DUSP22: variants seen among roughly 807,000 people sequenced by gnomAD.
The protein encoded by DUSP22 is dual specificity phosphatase 22.
A neutral mutation model predicts 24.5 loss-of-function variants in DUSP22; 24 were observed. That is an observed-to-expected ratio of 0.98 (90% CI 0.71 to 1.38). The LOEUF (loss-of-function observed/expected upper bound fraction) is 1.38, where lower values mean the gene tolerates loss of function less well. DUSP22 is among the 40% of genes most tolerant of loss of function. The pLI is 0.00. For synonymous variants in DUSP22, 160 were observed against 106.4 expected (o/e 1.50, Z -3.10); for missense variants, 330 against 269.2 (o/e 1.23, Z -1.58).
intron 6 of DUSP22, 89 bp downstream of exon 6, chr6:348,363 G>C: frequency 6.4e-7 from 1 of 1,573,142 alleles, no homozygotes; most frequent in Non-Finnish European, 8.6e-7. Context: ...GCATCATGGC[G>C]TTTGGAGTTG....
chr6:292,629 C>G (rs1757140502), intron 1 of DUSP22, 69 bp downstream of exon 1: 2 of 1,551,456 alleles, frequency 1.3e-6, no homozygotes, highest in South Asian at 1.2e-5. Flanking sequence ...CCGGCGTCGG[C>G]TGCCCGACGA....
chr6:315,642 G>C (rs995941473), intron 3 of DUSP22, among the ~76,000 whole-genome samples: 1 of 152,310 alleles, frequency 6.6e-6, no homozygotes, highest in Non-Finnish European at 1.5e-5. Context: ...CACCAGCACA[G>C]AGCTTTGCTC....
intron 5 of DUSP22, among the ~76,000 whole-genome samples, chr6:346,429 G>GACACACACACAC (rs10642379): frequency 3.3e-3 from 492 of 151,232 alleles, no homozygotes; most frequent in East Asian, 0.012. Context: ...ATTTTGTGTA[G>GACACACACACAC]ACACACACAC....
At chr6:335,939 G>C (rs988597657) in intron 4 of DUSP22, among the ~76,000 whole-genome samples, 9 of 152,304 alleles carry the variant, frequency 5.9e-5, no homozygotes, top group Admixed American at 3.3e-4. Context: ...TGCACCTATA[G>C]AGAGATTCAT....
chr6:317,477 C>T (rs1477849037), intron 3 of DUSP22, among the ~76,000 whole-genome samples: 1 of 152,304 alleles, frequency 6.6e-6, no homozygotes, highest in Non-Finnish European at 1.5e-5. Context: ...CATGAATTCT[C>T]CCCTCCCTCC....
intron 4 of DUSP22, among the ~76,000 whole-genome samples, chr6:335,715 G>T (rs896304141): frequency 2.6e-5 from 4 of 152,306 alleles, no homozygotes; most frequent in Non-Finnish European, 5.9e-5. Context: ...TACGAAGTCT[G>T]GGGGCTCTGG....
At chr6:309,817 C>G (rs1757990816) in intron 2 of DUSP22, among the ~76,000 whole-genome samples, 1 of 152,302 alleles carries the variant, frequency 6.6e-6, no homozygotes, top group African/African-American at 2.4e-5. Flanking sequence ...TTTGTCTCTG[C>G]ATTTTTATAC....
At chr6:328,830 G>A (rs1188505928) in intron 3 of DUSP22, among the ~76,000 whole-genome samples, 3 of 152,310 alleles carry the variant, frequency 2.0e-5, no homozygotes, top group African/African-American at 7.2e-5. Flanking sequence ...AAAAAGAGAG[G>A]AGAGGTCTTG....
intron 2 of DUSP22, among the ~76,000 whole-genome samples, chr6:311,332 C>T (rs1400371484): frequency 6.6e-6 from 1 of 152,300 alleles, no homozygotes; most frequent in Non-Finnish European, 1.5e-5. Context: ...TCTTCTTCCT[C>T]ATAGAAAGTT....
chr6:298,513 C>T (rs1316500322), intron 1 of DUSP22, among the ~76,000 whole-genome samples: 1 of 152,302 alleles, frequency 6.6e-6, no homozygotes, highest in Non-Finnish European at 1.5e-5. Flanking sequence ...AAAAAGTAAA[C>T]TCAAAATATT....
chr6:327,695 G>A (rs1472383673), intron 3 of DUSP22, among the ~76,000 whole-genome samples: 6 of 152,418 alleles, frequency 3.9e-5, no homozygotes, highest in South Asian at 2.1e-4. Flanking sequence ...GGGGGAGGCC[G>A]AGGAGGTGAG....
chr6:293,875 ATAT>A (rs1757206999), intron 1 of DUSP22, among the ~76,000 whole-genome samples: 1 of 129,746 alleles, frequency 7.7e-6, no homozygotes, highest in East Asian at 2.3e-4. Flanking sequence ...TACTTGTATT[ATAT>A]TCCGATGAGC....
In DUSP22 at chr6:351,141, G is replaced by A. The variant is rs1298444556; in HGVS notation, c.*2190G>A. 3.8e-6 allele frequency: 2 copies of A among 532,486 alleles called. No homozygotes were observed. Among genetic ancestry groups the A allele is most frequent in the Non-Finnish European group, 6.5e-6 (2 of 306,464 alleles). 33.0% of individuals were successfully genotyped at this position (532,486 alleles called of 1,614,324 possible). ...CGGGAGCCTTGCCGCACTGCCTTGT[G>A]GGTGGCTTGGCGCTCGTGATTGCTT... On this transcript the variant is annotated 3_prime_UTR_variant, in exon 7 of 7. Coordinates refer to ENST00000419235, the MANE Select transcript of DUSP22 (RefSeq NM_001286555.3).
intron 5 of DUSP22, among the ~76,000 whole-genome samples, chr6:346,832 C>T (rs1759903542): frequency 6.6e-6 from 1 of 152,182 alleles, no homozygotes; most frequent in Non-Finnish European, 1.5e-5. Context: ...GGCAGCCCTG[C>T]CAGGACAGAG....
At position 349,322 on chromosome 6, in the gene DUSP22, G is replaced by A; in HGVS notation, c.*371G>A. ...ATGTGTGTATGTTGTGAAAGTGTCT[G>A]TGCACATGAATGTTTGTGTGTGTGT... On this transcript the variant is annotated 3_prime_UTR_variant, in exon 7 of 7. Coordinates refer to ENST00000419235, the MANE Select transcript of DUSP22 (RefSeq NM_001286555.3). 1 of 1,099,570 alleles carries A rather than the reference G, an allele frequency of 9.1e-7. No individual in the cohort carries two copies. Among genetic ancestry groups the A allele is most frequent in the East Asian group, 6.4e-5 (1 of 15,544 alleles). The allele number at this position is 1,099,570 out of a possible 1,614,324, so 68.1% of individuals were successfully genotyped here. A position where few individuals can be genotyped will look rare whatever the true frequency, so the allele number is the denominator to read the frequency against.
chr6:348,554 G>C, intron 6 of DUSP22: 1 of 909,650 alleles, frequency 1.1e-6, no homozygotes, highest in Admixed American at 2.9e-5. Flanking sequence ...CCTTGGTCTG[G>C]CCTATTTTCA....
At position 304,497 on chromosome 6, in the gene DUSP22, C is replaced by G. The variant is rs895625596; in HGVS notation, c.22-131C>G. On this transcript the variant is annotated intron_variant, in intron 1 of 6. Transcript: ENST00000419235. ...TGGGGATGTTGGGTCACCCGCGTGT[C>G]TGTCAGGGAGGTGCTGTACTGGGGA... The G allele has an allele frequency of 1.6e-4, 218 of 1,354,374 alleles. No homozygotes were observed. The African/African-American group carries it at 2.9e-3, about 18-fold the overall frequency. 83.9% of individuals were successfully genotyped at this position (1,354,374 alleles called of 1,614,324 possible).
intron 1 of DUSP22, among the ~76,000 whole-genome samples, chr6:303,422 A>G (rs1040424672): frequency 1.3e-5 from 2 of 152,310 alleles, no homozygotes; most frequent in Non-Finnish European, 2.9e-5. Context: ...ATGAGCCACA[A>G]TAGATCCCCT....
Position 345,893 on chromosome 6 carries a change from G to A in DUSP22, c.228G>A (p.Glu76=), listed in dbSNP as rs145392896. 2 of 1,614,262 alleles carry A rather than the reference G, an allele frequency of 1.2e-6. No individual in the cohort carries two copies. The highest frequency in any genetic ancestry group is 1.7e-6 in the Non-Finnish European group (2 of 1,180,032). Residue 76 remains glutamate, a synonymous_variant, in exon 5 of 7, where the codon GAG becomes GAA. Coordinates refer to ENST00000419235, the MANE Select transcript of DUSP22 (RefSeq NM_001286555.3). ...HFKESIKFIH[E]CRLRGESCLV... is the part of the protein sequence containing the mutation. ...AAGAAAGTATTAAATTCATTCACGAGTGCCGGCTCCGCGGTGAGAGCTGCC... is the reference window on the plus strand; with the variant it reads ...AAGAAAGTATTAAATTCATTCACGAATGCCGGCTCCGCGGTGAGAGCTGCC...
Sources: allele counts gnomAD v4.1 joint callset (sites outside exome capture counted in the v4.1 genomes callset), GRCh38; gene constraint gnomAD v4.1.1; transcripts MANE v1.5; gene names NCBI Gene and HGNC (gene_info 2026-07-23, HGNC 2026-07-21).